Variants in AFAP1 observed in about 807,000 individuals in gnomAD.
The protein encoded by AFAP1 is actin filament-associated protein 1.
A neutral mutation model predicts 93.9 loss-of-function variants in AFAP1; 75 were observed. The observed-to-expected ratio is 0.80, with a 90% CI of 0.66 to 0.97. The LOEUF is 0.97. AFAP1 is among the 50% of genes least tolerant of loss of function. The pLI is 0.00. For missense variants in AFAP1, 1,201 were observed against 1,050.8 expected, an observed-to-expected ratio of 1.14 and a Z score of -1.98; for synonymous variants, 517 against 430.7, an observed-to-expected ratio of 1.20 and a Z score of -2.48.
intron 10 of AFAP1, among the ~76,000 whole-genome samples, chr4:7,796,465 C>G (rs1718425814): frequency 6.6e-6 from 1 of 152,094 alleles, no homozygotes; most frequent in Non-Finnish European, 1.5e-5. Flanking sequence ...AATCTATAGG[C>G]TGGGCCAGGC....
intron 4 of AFAP1, among the ~76,000 whole-genome samples, chr4:7,844,004 G>A (rs575178812): frequency 2.0e-5 from 3 of 152,154 alleles, no homozygotes; most frequent in South Asian, 4.2e-4. Context: ...CATGTGCCAC[G>A]CCCTCTAACA....
chr4:7,819,219 C>T, intron 6 of AFAP1, 48 bp from the exon 7 acceptor site: 3 of 1,525,218 alleles, frequency 2.0e-6, no homozygotes, highest in Admixed American at 3.8e-5. Context: ...GGCAGAGATA[C>T]TTAAAGGCTT....
chr4:7,763,855 C>T, intron 17 of AFAP1, 64 bp from the exon 18 acceptor site: 2 of 1,512,478 alleles, frequency 1.3e-6, no homozygotes, highest in East Asian at 2.5e-5. Flanking sequence ...CAAGCCACGC[C>T]ACCATCCACA....
At chr4:7,912,790 G>A (rs773967787) in intron 1 of AFAP1, among the ~76,000 whole-genome samples, 5 of 152,026 alleles carry the variant, frequency 3.3e-5, no homozygotes, top group African/African-American at 7.3e-5. Context: ...GTTAATTTTT[G>A]TATGAGGTAT....
chr4:7,839,386 T>C (rs1260458515), intron 5 of AFAP1, among the ~76,000 whole-genome samples: 2 of 151,862 alleles, frequency 1.3e-5, no homozygotes, highest in African/African-American at 4.8e-5. Context: ...CACAAATATA[T>C]ATTTAACATA....
rs528475998 is a variant in AFAP1, at chr4:7,759,044, T to C, written c.*4721A>G. The C allele has an allele frequency of 5.2e-5, 8 of 152,774 alleles. No individual in the cohort carries two copies. The South Asian group carries it at 1.7e-3, about 32-fold the overall frequency. 9.5% of individuals were successfully genotyped at this position (152,774 alleles called of 1,614,324 possible). A position where few individuals can be genotyped will look rare whatever the true frequency, so the allele number is the denominator to read the frequency against. On this transcript the variant is annotated 3_prime_UTR_variant, in exon 18 of 18. Coordinates refer to ENST00000420658, the MANE Select transcript of AFAP1 (RefSeq NM_001134647.2). ...AGAATTTTAAATATGACTTTAGCTT[T>C]TAAAAAATACAATAAGGAAATAATT...
At chr4:7,859,380 C>T (rs962626741) in intron 3 of AFAP1, among the ~76,000 whole-genome samples, 11 of 152,128 alleles carry the variant, frequency 7.2e-5, no homozygotes, top group African/African-American at 2.4e-4. Context: ...GATCGCCACA[C>T]TGCACTCCAG....
intron 1 of AFAP1, among the ~76,000 whole-genome samples, chr4:7,926,917 G>C (rs1163686956): frequency 6.6e-6 from 1 of 152,106 alleles, no homozygotes; most frequent in East Asian, 1.9e-4. Flanking sequence ...TGCATTTTTA[G>C]TAGAGAAGGG....
chr4:7,799,698 G>GA (rs1172109564), intron 10 of AFAP1, among the ~76,000 whole-genome samples: 2 of 152,054 alleles, frequency 1.3e-5, no homozygotes, highest in African/African-American at 2.4e-5. Context: ...GAAATAAAGG[G>GA]AAAAATCACA....
chr4:7,923,173 A>G (rs1720528169), intron 1 of AFAP1, among the ~76,000 whole-genome samples: 1 of 152,226 alleles, frequency 6.6e-6, no homozygotes, highest in Non-Finnish European at 1.5e-5. Flanking sequence ...CCCTGGGCTC[A>G]CAGCACTATC....
At chr4:7,767,896 C>A (rs1213501071) in intron 17 of AFAP1, among the ~76,000 whole-genome samples, 1 of 152,084 alleles carries the variant, frequency 6.6e-6, no homozygotes, top group African/African-American at 2.4e-5. Flanking sequence ...CGATACTGGC[C>A]AAACCTCATC....
chr4:7,833,818 G>T (rs1711924537), intron 6 of AFAP1, among the ~76,000 whole-genome samples: 1 of 151,988 alleles, frequency 6.6e-6, no homozygotes, highest in Non-Finnish European at 1.5e-5. Context: ...CCGATCTCCT[G>T]ACCTTGTGAT....
In AFAP1 at chr4:7,843,183, G is replaced by A. The variant is rs1196955848; in HGVS notation, c.502C>T (p.Gln168Ter). 1.2e-6 allele frequency: 2 copies of A among 1,614,176 alleles called. No homozygotes were observed. The highest frequency in any genetic ancestry group is 1.1e-5 in the South Asian group (1 of 91,084). The change falls in exon 5 of 18, where the codon CAG (glutamine) becomes TAG (stop). Residue 168 changes from glutamine (Q) to a stop codon, truncating the protein, a stop_gained. Coordinates refer to ENST00000420658, the MANE Select transcript of AFAP1 (RefSeq NM_001134647.2). LOFTEE classifies it high-confidence loss of function. The part of the protein sequence containing the change: ...AFLLRKKRFG[Q>*]WTKLLCVIKD... ...ATGACGCAGAGCAACTTGGTCCACT[G>A]GCCGAACCGCTTCTTCCGCAGCAGG...
intron 4 of AFAP1, among the ~76,000 whole-genome samples, chr4:7,854,178 G>A (rs1262977387): frequency 6.6e-6 from 1 of 152,142 alleles, no homozygotes; most frequent in Admixed American, 6.5e-5. Context: ...GAGTTATATC[G>A]AGGCATTTAA....
At chr4:7,814,945 A>G (rs555242924) in intron 8 of AFAP1, among the ~76,000 whole-genome samples, 52 of 152,370 alleles carry the variant, frequency 3.4e-4, no homozygotes, top group South Asian at 1.9e-3. Flanking sequence ...AGACAGGCTT[A>G]TTTGCACATC....
At chr4:7,883,992 G>A (rs758228539) in intron 1 of AFAP1, among the ~76,000 whole-genome samples, 2 of 152,146 alleles carry the variant, frequency 1.3e-5, no homozygotes, top group Non-Finnish European at 2.9e-5. Context: ...GTTGGGGATG[G>A]GGCCTGGCTG....
chr4:7,867,131 C>G (rs141054091), intron 3 of AFAP1, among the ~76,000 whole-genome samples: 256 of 11,862 alleles, frequency 0.022, 4 homozygotes, highest in Non-Finnish European at 0.037. Flanking sequence ...GGTAGGGGAG[C>G]GGAGGGGAGG....
chr4:7,785,304 C>G (rs377750197), intron 12 of AFAP1, among the ~76,000 whole-genome samples: 11 of 152,276 alleles, frequency 7.2e-5, no homozygotes, highest in South Asian at 4.2e-4. Context: ...TAAGGCCAGA[C>G]AGACCCCCGA....
intron 10 of AFAP1, among the ~76,000 whole-genome samples, chr4:7,797,562 T>G (rs1297090987): frequency 5.9e-5 from 9 of 152,116 alleles, no homozygotes; most frequent in South Asian, 2.1e-4. Context: ...AGAAAAGCAG[T>G]CTCCTTCCTA....
Sources: gnomAD v4.1 joint callset for allele counts (sites outside exome capture counted in the v4.1 genomes callset) on GRCh38, gnomAD v4.1.1 for gene constraint, MANE v1.5 for transcripts, NCBI Gene and HGNC (gene_info 2026-07-23, HGNC 2026-07-21) for gene names.